NOTCH2: variants seen among roughly 807,000 people sequenced by gnomAD.
NOTCH2 encodes neurogenic locus notch homolog protein 2.
NOTCH2 carries 29 observed loss-of-function variants against 235.8 expected under a neutral mutation model. The observed-to-expected ratio is 0.12, with a 90% CI of 0.09 to 0.17. The LOEUF (loss-of-function observed/expected upper bound fraction) is 0.17, where lower values mean the gene tolerates loss of function less well. Ranked by LOEUF, NOTCH2 falls within the 10% of genes least tolerant of loss-of-function variation. NOTCH2 has a pLI of 1.00. For synonymous variants in NOTCH2, 1,086 were observed against 1,141.5 expected, an observed-to-expected ratio of 0.95 and a Z score of 0.98; for missense variants, 2,285 against 3,150.2, an observed-to-expected ratio of 0.73 and a Z score of 6.57.
At chr1:119,965,097 A>T (rs1266601660) in intron 10 of NOTCH2, among the ~76,000 whole-genome samples, 2 of 152,210 alleles carry the variant, frequency 1.3e-5, no homozygotes, top group East Asian at 3.8e-4. Flanking sequence ...TTCAAGAAAC[A>T]CAGAGCCAGG....
intron 5 of NOTCH2, among the ~76,000 whole-genome samples, chr1:119,985,183 C>A (rs1207897494): frequency 6.6e-6 from 1 of 151,354 alleles, no homozygotes; most frequent in Non-Finnish European, 1.5e-5. Flanking sequence ...ATGGGCAGGG[C>A]AAAAACAAGG....
intron 17 of NOTCH2, 35 bp from the exon 18 acceptor site, chr1:119,941,789 G>T: frequency 1.4e-6 from 2 of 1,454,480 alleles, no homozygotes; most frequent in Non-Finnish European, 1.9e-6. Context: ...CCTCTGAAGA[G>T]TAGCATCAGT....
At chr1:119,966,598 T>A in intron 8 of NOTCH2, 109 bp from the exon 9 acceptor site, 1 of 791,562 alleles carries the variant, frequency 1.3e-6, no homozygotes. Flanking sequence ...TACACACATT[T>A]CTGCAGAGAA....
intron 1 of NOTCH2, among the ~76,000 whole-genome samples, chr1:120,042,540 T>C (rs1553213016): frequency 7.4e-6 from 1 of 134,450 alleles, no homozygotes. Flanking sequence ...CAAGATGAAG[T>C]CCTTTGGAAA....
intron 4 of NOTCH2, chr1:119,994,523 TATATATACACACAC>T (rs1169304116): frequency 2.0e-4 from 10 of 48,912 alleles, no homozygotes; most frequent in East Asian, 9.2e-4. Context: ...CAATGCCATA[TATATATACACACAC>T]ACACACACAC....
chr1:119,915,647 G>C lies in NOTCH2; in HGVS notation c.7075C>G (p.Pro2359Ala), dbSNP rs75831573. 9,617 of 1,614,064 alleles carry C rather than the reference G, an allele frequency of 6.0e-3. 42 individuals carry two copies. The highest frequency in any genetic ancestry group is 6.9e-3 in the Non-Finnish European group (8,201 of 1,180,018). ...PSVAFPTAMM[P>A]QQDGQVAQTI... ...TGAGCTACCTGCCCGTCCTGCTGGG[G>C]CATCATGGCAGTGGGGAAAGCCACA... The change falls in exon 34 of 34, where the codon CCC becomes GCC. Residue 2359 changes from proline (P) to alanine (A), a missense_variant. Pro to Ala is a conservative substitution (Grantham distance 27). Coordinates refer to ENST00000256646, the MANE Select transcript of NOTCH2 (RefSeq NM_024408.4).
chr1:119,970,142 G>A (rs149296201), intron 5 of NOTCH2, among the ~76,000 whole-genome samples: 45 of 152,074 alleles, frequency 3.0e-4, no homozygotes, highest in African/African-American at 1.1e-3. Flanking sequence ...CAAACATTAG[G>A]GTAACTGTTC....
chr1:120,029,577 C>T (rs1484363011), intron 2 of NOTCH2, among the ~76,000 whole-genome samples: 1 of 152,070 alleles, frequency 6.6e-6, no homozygotes, highest in African/African-American at 2.4e-5. Context: ...TCTTGAACTC[C>T]TGACCTCGTG....
At chr1:119,967,829 C>T (rs1457848507) in intron 7 of NOTCH2, among the ~76,000 whole-genome samples, 1 of 152,130 alleles carries the variant, frequency 6.6e-6, no homozygotes, top group Non-Finnish European at 1.5e-5. Context: ...CAGTTTCTGC[C>T]CAAACTGTCA....
intron 22 of NOTCH2, among the ~76,000 whole-genome samples, chr1:119,929,841 C>A (rs1553194900): frequency 6.6e-6 from 1 of 152,220 alleles, no homozygotes; most frequent in African/African-American, 2.4e-5. Context: ...CACTGACTCA[C>A]CCAGCAAGTT....
intron 22 of NOTCH2, among the ~76,000 whole-genome samples, chr1:119,933,913 C>T (rs1232233186): frequency 2.0e-5 from 3 of 152,178 alleles, no homozygotes; most frequent in Non-Finnish European, 4.4e-5. Context: ...GTGTTGCTTC[C>T]AGACTGAGCT....
rs587668010 is a variant in NOTCH2 at position 120,037,882 on chromosome 1, T to C, written c.74-7895A>G. 1.7e-4 allele frequency among the ~76,000 whole-genome samples: 26 copies of C among 152,182 alleles called. No individual in the cohort carries two copies. In the South Asian group the frequency reaches 5.2e-3, roughly 30 times the overall value. On this transcript the variant is annotated intron_variant, in intron 1 of 33. Transcript: ENST00000256646. ...CTTTTCAAAAACTGAAAATATACCT[T>C]AAGAAAATATAATCAATGATAACAA... is the stretch of plus-strand genomic sequence containing the variant.
At position 119,923,937 on chromosome 1, in the gene NOTCH2, T is replaced by C. The variant is rs770939883; in HGVS notation, c.4559A>G (p.Gln1520Arg). Residue 1520 changes from glutamine to arginine, a missense_variant, in exon 26 of 34, where the codon CAG becomes CGG. This residue lies in a region of NOTCH2 where 1,173 missense variants were observed against 1,515.3 expected (regional missense o/e 0.77). Transcript: ENST00000256646. ...ADHFKDNHCD[Q>R]GCNSEECGWD... ...ACCACACTCCTCACTGTTGCACCCC[T>C]GGTCACAGTGGTTGTCTTTGAAGTG... The C allele has an allele frequency of 6.2e-7, 1 of 1,614,218 alleles. No homozygotes were observed. Among genetic ancestry groups the C allele is most frequent in the South Asian group, 1.1e-5 (1 of 91,090 alleles).
chr1:119,941,495 G>T, intron 18 of NOTCH2, 31 bp downstream of exon 18: 1 of 1,475,520 alleles, frequency 6.8e-7, no homozygotes, highest in Non-Finnish European at 9.5e-7. Context: ...TCTCTCGTAA[G>T]ATGCTGATGC....
chr1:119,914,960 C>G lies in NOTCH2; in HGVS notation c.*346G>C. ...AATCTTCTCATGGATATGGCAGAAG[C>G]CTGCAGGGCTTAAAATGCAGTCCAA... is the stretch of plus-strand genomic sequence containing the variant. On this transcript the variant is annotated 3_prime_UTR_variant, in exon 34 of 34. Coordinates refer to ENST00000256646, the MANE Select transcript of NOTCH2 (RefSeq NM_024408.4). 2.3e-6 allele frequency: 1 copy of G among 431,184 alleles called. No individual in the cohort carries two copies. The allele number at this position is 431,184 out of a possible 1,614,324, so 26.7% of individuals were successfully genotyped here.
At chr1:119,997,718 G>A (rs587771428) in intron 3 of NOTCH2, among the ~76,000 whole-genome samples, 1 of 151,686 alleles carries the variant, frequency 6.6e-6, no homozygotes. Context: ...GCTCACACCT[G>A]TAATTCCAGC....
intron 2 of NOTCH2, among the ~76,000 whole-genome samples, chr1:120,028,552 T>C (rs1434891930): frequency 6.8e-6 from 1 of 147,940 alleles, no homozygotes; most frequent in Non-Finnish European, 1.5e-5. Context: ...ATTGTTAAGC[T>C]TTACTGTCAT....
At chr1:119,922,556 G>C (rs1485415597) in intron 27 of NOTCH2, 80 bp downstream of exon 27, 5 of 1,607,498 alleles carry the variant, frequency 3.1e-6, no homozygotes, top group African/African-American at 2.7e-5. Flanking sequence ...TGAAAAAATA[G>C]AGGGCTACAT....
intron 12 of NOTCH2, among the ~76,000 whole-genome samples, chr1:119,956,315 G>A: frequency 6.6e-6 from 1 of 152,168 alleles, no homozygotes; most frequent in East Asian, 1.9e-4. Context: ...CAACTGCTAT[G>A]AATTTATATA....
Sources: allele counts gnomAD v4.1 joint callset (sites outside exome capture counted in the v4.1 genomes callset), GRCh38; gene constraint gnomAD v4.1.1; regional missense constraint gnomAD v4.1.1; transcripts MANE v1.5; gene names NCBI Gene and HGNC (gene_info 2026-07-23, HGNC 2026-07-21).